The following HTT variants were observed in gnomAD, a reference collection of about 807,000 sequenced individuals.
HTT encodes the protein huntington disease protein.
HTT carries 104 observed loss-of-function variants against 362.3 expected under a neutral mutation model. The ratio of observed to expected loss-of-function variants is 0.29; its 90% confidence interval spans 0.24 to 0.34. The LOEUF (loss-of-function observed/expected upper bound fraction) is 0.34. HTT is among the 10% of genes least tolerant of loss of function. The pLI is 1.00. For missense variants in HTT, 3,301 were observed against 3,928.6 expected (o/e 0.84, Z 4.27); for synonymous variants, 1,577 against 1,548.7 (o/e 1.02, Z -0.43).
At chr4:3,229,606 ACACACCACTTG>A (rs1333755074) in intron 59 of HTT, among the ~76,000 whole-genome samples, 1 of 151,266 alleles carries the variant, frequency 6.6e-6, no homozygotes, top group African/African-American at 2.4e-5. Context: ...CACACCACAC[ACACACCACTTG>A]CACACCACGC....
At position 3,172,476 on chromosome 4, in the gene HTT, G is replaced by A. The variant is rs1718036324; in HGVS notation, c.3942+79G>A. The A allele has an allele frequency of 4.3e-6, 4 of 928,982 alleles. No individual in the cohort carries two copies. The Admixed American group carries it at 6.8e-5, about 16-fold the overall frequency. The allele number at this position is 928,982 out of a possible 1,614,324, so 57.5% of individuals were successfully genotyped here. On this transcript the variant is annotated intron_variant, in intron 30 of 66. Coordinates refer to ENST00000355072, the MANE Select transcript of HTT (RefSeq NM_001388492.1). ...AACGCTGCTACTCCTTAAGAGGCAG[G>A]CGCTGTTGGCATAATCAGCTGGGAG...
intron 29 of HTT, among the ~76,000 whole-genome samples, chr4:3,163,942 C>G (rs572719244): frequency 6.6e-6 from 1 of 151,880 alleles, no homozygotes; most frequent in East Asian, 1.9e-4. Flanking sequence ...CTGCTCTGAT[C>G]TTAGTTATTT....
intron 37 of HTT, among the ~76,000 whole-genome samples, chr4:3,183,305 G>A (rs899171847): frequency 4.6e-5 from 7 of 152,208 alleles, no homozygotes; most frequent in Non-Finnish European, 7.3e-5. Flanking sequence ...TCAGGCACAG[G>A]CCACTGTGCC....
intron 2 of HTT, among the ~76,000 whole-genome samples, chr4:3,098,968 A>G (rs1357141142): frequency 6.6e-6 from 1 of 152,194 alleles, no homozygotes; most frequent in Non-Finnish European, 1.5e-5. Flanking sequence ...TAAAAAATAA[A>G]CTTTATTTTG....
intron 51 of HTT, among the ~76,000 whole-genome samples, chr4:3,217,453 T>C (rs1054500351): frequency 2.6e-5 from 4 of 152,186 alleles, no homozygotes; most frequent in Non-Finnish European, 5.9e-5. Context: ...AGTCTGAGGC[T>C]GAGGAGCCAC....
intron 6 of HTT, among the ~76,000 whole-genome samples, chr4:3,114,605 T>A: frequency 6.6e-6 from 1 of 152,374 alleles, no homozygotes; most frequent in Middle Eastern, 3.4e-3. Flanking sequence ...TGGAATCAAG[T>A]CATGGCTCAG....
At chr4:3,156,200 A>C (rs1050578092) in intron 27 of HTT, among the ~76,000 whole-genome samples, 3 of 151,460 alleles carry the variant, frequency 2.0e-5, no homozygotes, top group Non-Finnish European at 4.4e-5. Flanking sequence ...TCTCACTGCA[A>C]CCTCCGCCTC....
At chr4:3,146,684 G>A in intron 24 of HTT, 113 bp from the exon 25 acceptor site, 1 of 845,844 alleles carries the variant, frequency 1.2e-6, no homozygotes, top group Non-Finnish European at 1.9e-6. Context: ...CAATTTCTGA[G>A]CTGGTATAAA....
chr4:3,117,462 A>C (rs564519322), intron 8 of HTT, among the ~76,000 whole-genome samples: 1 of 151,978 alleles, frequency 6.6e-6, no homozygotes, highest in African/African-American at 2.4e-5. Context: ...TTGAAAGCAA[A>C]CCCCAATTAT....
At chr4:3,172,473 C>T in intron 30 of HTT, 76 bp downstream of exon 30, 1 of 957,044 alleles carries the variant, frequency 1.0e-6, no homozygotes, top group East Asian at 2.4e-5. Context: ...CCTTAAGAGG[C>T]AGGCGCTGTT....
chr4:3,229,982 C>A lies in HTT; in HGVS notation c.8205C>A (p.Asp2735Glu). The A allele has an allele frequency of 1.2e-6, 2 of 1,614,064 alleles. No individual in the cohort carries two copies. Among genetic ancestry groups the A allele is most frequent in the Non-Finnish European group, 1.7e-6 (2 of 1,179,920 alleles). ...TGCGAAGGGTGCACCCTTCAGAAGA[C>A]GAGATCCTCGCTCAGTACCTGGTGC... ...TELRRVHPSE[D>E]EILAQYLVPA... Residue 2735 changes from aspartate (D) to glutamate (E), a missense_variant, in exon 60 of 67, where the codon GAC becomes GAA. By Grantham distance (45) the Asp-to-Glu change is conservative. Coordinates refer to ENST00000355072, the MANE Select transcript of HTT (RefSeq NM_001388492.1).
chr4:3,146,766 A>G (rs201179577), intron 24 of HTT, 31 bp from the exon 25 acceptor site: 18 of 1,606,276 alleles, frequency 1.1e-5, no homozygotes, highest in East Asian at 8.9e-5. Context: ...AAAATTGTCT[A>G]TAATTTGACT....
chr4:3,080,226 CT>C (rs1195786416), intron 1 of HTT, among the ~76,000 whole-genome samples: 3 of 151,992 alleles, frequency 2.0e-5, no homozygotes, highest in African/African-American at 7.2e-5. Context: ...TCCCAAGTAA[CT>C]GGGATTACAG....
At chr4:3,192,370 G>A (rs992845455) in intron 40 of HTT, among the ~76,000 whole-genome samples, 2 of 152,098 alleles carry the variant, frequency 1.3e-5, no homozygotes, top group Non-Finnish European at 2.9e-5. Flanking sequence ...CACCCACCAC[G>A]CCCAGTCTCA....
chr4:3,158,887 G>C (rs1363041008), intron 28 of HTT, among the ~76,000 whole-genome samples: 1 of 152,056 alleles, frequency 6.6e-6, no homozygotes, highest in Admixed American at 6.6e-5. Flanking sequence ...ACCTTTCCAT[G>C]CTCCTAGTGC....
At chr4:3,173,315 C>T in intron 31 of HTT, 184 bp downstream of exon 31, 1 of 600,146 alleles carries the variant, frequency 1.7e-6, no homozygotes, top group Non-Finnish European at 3.0e-6. Context: ...CCCGGCCTTC[C>T]AAGAAGTGTG....
At chr4:3,198,466 C>T (rs890693498) in intron 40 of HTT, among the ~76,000 whole-genome samples, 2 of 152,096 alleles carry the variant, frequency 1.3e-5, no homozygotes, top group Non-Finnish European at 2.9e-5. Context: ...CTCAAGTGAT[C>T]TGCCCACCTT....
intron 41 of HTT, among the ~76,000 whole-genome samples, chr4:3,200,906 G>A (rs1160674216): frequency 1.3e-5 from 2 of 152,202 alleles, no homozygotes; most frequent in Non-Finnish European, 2.9e-5. Context: ...CTGCTTTAAC[G>A]TGCATAGAAA....
intron 29 of HTT, among the ~76,000 whole-genome samples, chr4:3,169,206 G>A (rs1009661781): frequency 2.6e-5 from 4 of 151,968 alleles, no homozygotes; most frequent in Admixed American, 2.0e-4. Flanking sequence ...TTTTAGTAGA[G>A]ACGAGGTTTC....
Sources: allele counts gnomAD v4.1 joint callset (sites outside exome capture counted in the v4.1 genomes callset), GRCh38; gene constraint gnomAD v4.1.1; transcripts MANE v1.5; gene names NCBI Gene and HGNC (gene_info 2026-07-23, HGNC 2026-07-21).